Variants in KCNMB4 observed in about 807,000 individuals in gnomAD.
KCNMB4 encodes the protein potassium calcium-activated channel subfamily M regulatory beta subunit 4.
Under a neutral mutation model 20.7 loss-of-function variants are expected in KCNMB4, and 3 were observed. That is an observed-to-expected ratio of 0.14 (90% CI 0.07 to 0.37). KCNMB4 has a LOEUF of 0.37. KCNMB4 is among the 10% of genes least tolerant of loss of function. The pLI, the probability that KCNMB4 is intolerant of heterozygous loss-of-function variation, is 1.00. For missense variants in KCNMB4, 168 were observed against 265.9 expected (o/e 0.63, Z 2.56); for synonymous variants, 110 against 113.4 (o/e 0.97, Z 0.19).
chr12:70,405,039 A>T (rs1868558806), intron 2 of KCNMB4, among the ~76,000 whole-genome samples: 1 of 152,216 alleles, frequency 6.6e-6, no homozygotes, highest in African/African-American at 2.4e-5. Flanking sequence ...AAATCAAATA[A>T]GAACGTCTTA....
chr12:70,404,958 A>C (rs1868555559), intron 2 of KCNMB4, among the ~76,000 whole-genome samples: 1 of 152,208 alleles, frequency 6.6e-6, no homozygotes, highest in East Asian at 1.9e-4. Flanking sequence ...TGTTGACAGA[A>C]TCTTAGGATC....
intron 2 of KCNMB4, among the ~76,000 whole-genome samples, chr12:70,420,185 G>A (rs571881466): frequency 6.6e-6 from 1 of 152,310 alleles, no homozygotes; most frequent in South Asian, 2.1e-4. Flanking sequence ...GTAAGGAACT[G>A]ATTACAGTAT....
intron 2 of KCNMB4, among the ~76,000 whole-genome samples, chr12:70,410,497 A>G (rs192372769): frequency 2.0e-5 from 3 of 152,282 alleles, no homozygotes; most frequent in African/African-American, 4.8e-5. Context: ...CGGGATTTAC[A>G]TTTCTCCTCT....
At chr12:70,382,325 C>T (rs1374781485) in intron 1 of KCNMB4, among the ~76,000 whole-genome samples, 4 of 149,228 alleles carry the variant, frequency 2.7e-5, no homozygotes, top group East Asian at 2.0e-4. Flanking sequence ...CCCAGCTACT[C>T]TGGAGGCTGA....
chr12:70,422,684 A>G (rs2136141976), intron 2 of KCNMB4: 2 of 1,287,932 alleles, frequency 1.6e-6, no homozygotes, highest in Non-Finnish European at 2.0e-6. Flanking sequence ...ACAGAAAGTC[A>G]TAAGCATCCT....
At chr12:70,427,758 T>A (rs1280011149) in intron 2 of KCNMB4, among the ~76,000 whole-genome samples, 1 of 152,216 alleles carries the variant, frequency 6.6e-6, no homozygotes, top group African/African-American at 2.4e-5. Context: ...TCAAACTGTG[T>A]TTCAGAAAAT....
chr12:70,425,484 G>T (rs758082725), intron 2 of KCNMB4, among the ~76,000 whole-genome samples: 6 of 152,032 alleles, frequency 3.9e-5, no homozygotes, highest in Non-Finnish European at 5.9e-5. Context: ...TCGCATCAAG[G>T]CTTTCTAGAT....
intron 2 of KCNMB4, among the ~76,000 whole-genome samples, chr12:70,405,956 G>C (rs1868588645): frequency 6.6e-6 from 1 of 152,134 alleles, no homozygotes; most frequent in Non-Finnish European, 1.5e-5. Context: ...TGAAAAGAAG[G>C]AAACTCTGCA....
intron 2 of KCNMB4, among the ~76,000 whole-genome samples, chr12:70,411,784 GA>G (rs1241900671): frequency 2.0e-5 from 3 of 152,176 alleles, no homozygotes; most frequent in East Asian, 3.9e-4. Flanking sequence ...TCTAAAAAAA[GA>G]AAAAAGAAAG....
intron 1 of KCNMB4, among the ~76,000 whole-genome samples, chr12:70,380,785 T>G (rs1027666065): frequency 3.9e-4 from 59 of 152,228 alleles, no homozygotes; most frequent in African/African-American, 1.4e-3. Flanking sequence ...AGGAATGAAG[T>G]TGAACTCTGA....
At chr12:70,400,899 C>T (rs151158350) in intron 2 of KCNMB4, among the ~76,000 whole-genome samples, 1,593 of 152,326 alleles carry the variant, frequency 0.01, 12 homozygotes, top group South Asian at 0.029. Context: ...CGCAAACCTT[C>T]ACTTGCTCCC....
intron 1 of KCNMB4, among the ~76,000 whole-genome samples, chr12:70,390,965 T>C (rs2136124710): frequency 6.6e-6 from 1 of 152,336 alleles, no homozygotes; most frequent in East Asian, 1.9e-4. Context: ...CTCTGCTACA[T>C]GTCGGCATGT....
intron 2 of KCNMB4, among the ~76,000 whole-genome samples, chr12:70,409,924 C>T (rs973169384): frequency 2.0e-5 from 3 of 152,194 alleles, no homozygotes; most frequent in Non-Finnish European, 4.4e-5. Context: ...ATGTAGTGAG[C>T]AGCCAGTCGT....
chr12:70,384,602 A>T (rs1057118505), intron 1 of KCNMB4, among the ~76,000 whole-genome samples: 1 of 152,248 alleles, frequency 6.6e-6, no homozygotes, highest in Non-Finnish European at 1.5e-5. Flanking sequence ...GGAAAACGCC[A>T]GTCTAAGTGT....
chr12:70,422,662 T>G (rs1023767201), intron 2 of KCNMB4: 54 of 1,280,548 alleles, frequency 4.2e-5, no homozygotes, highest in Non-Finnish European at 5.1e-5. Context: ...TTGATTTGCC[T>G]TTTTAAAAAA....
intron 2 of KCNMB4, among the ~76,000 whole-genome samples, chr12:70,406,032 G>T (rs1233493925): frequency 6.6e-6 from 1 of 152,154 alleles, no homozygotes; most frequent in Non-Finnish European, 1.5e-5. Flanking sequence ...ACACAAAAAG[G>T]CAAATACTGT....
chr12:70,369,810 AT>A (rs1883558745), intron 1 of KCNMB4, among the ~76,000 whole-genome samples: 1 of 152,202 alleles, frequency 6.6e-6, no homozygotes, highest in African/African-American at 2.4e-5. Flanking sequence ...TTTGAATCAT[AT>A]CCTTATTGTC....
intron 1 of KCNMB4, among the ~76,000 whole-genome samples, chr12:70,388,689 T>C (rs897781533): frequency 2.6e-5 from 4 of 152,210 alleles, no homozygotes; most frequent in African/African-American, 9.6e-5. Context: ...AGAATAGCAG[T>C]GTGACTTCAG....
At position 70,382,350 on chromosome 12, in the gene KCNMB4, G is replaced by C. The variant is rs371449371; in HGVS notation, c.336+15280G>C. Among the ~76,000 whole-genome samples, 7 of 149,570 alleles carry C rather than the reference G, an allele frequency of 4.7e-5. No homozygotes were observed. In the East Asian group the frequency reaches 9.8e-4, roughly 21 times the overall value. ...CTGGAGGCTGAGGCAGGAGAATGGCGTGAACCCGGAAGGCGGAGCTTGCAG... is the reference window on the plus strand; with the variant it reads ...CTGGAGGCTGAGGCAGGAGAATGGCCTGAACCCGGAAGGCGGAGCTTGCAG... On this transcript the variant is annotated intron_variant, in intron 1 of 2. Coordinates refer to ENST00000258111, the MANE Select transcript of KCNMB4 (RefSeq NM_014505.6).
Sources: allele counts gnomAD v4.1 joint callset (sites outside exome capture counted in the v4.1 genomes callset), GRCh38; gene constraint gnomAD v4.1.1; transcripts MANE v1.5; gene names NCBI Gene and HGNC (gene_info 2026-07-23, HGNC 2026-07-21).